Variants in NTSR1 observed in about 807,000 individuals in gnomAD.
The protein encoded by NTSR1 is neurotensin receptor type 1.
NTSR1 carries 29 observed loss-of-function variants against 31.2 expected under a neutral mutation model. The observed-to-expected ratio is 0.93, with a 90% CI of 0.69 to 1.27. The LOEUF is 1.27. Ranked by LOEUF, NTSR1 falls within the 50% of genes most tolerant of loss-of-function variation. NTSR1 has a pLI of 0.00. For missense variants in NTSR1, 697 were observed against 595.4 expected (o/e 1.17, Z -1.78); for synonymous variants, 282 against 269.9 (o/e 1.04, Z -0.44).
chr20:62,751,491 TG>T (rs1989393532), intron 1 of NTSR1, among the ~76,000 whole-genome samples: 1 of 152,244 alleles, frequency 6.6e-6, no homozygotes, highest in Non-Finnish European at 1.5e-5. Context: ...AACAATGTCA[TG>T]GGGTGCCCCG....
At chr20:62,729,177 T>C (rs562387565) in intron 1 of NTSR1, among the ~76,000 whole-genome samples, 2 of 152,306 alleles carry the variant, frequency 1.3e-5, no homozygotes, top group South Asian at 4.1e-4. Flanking sequence ...TTCTCTGCTG[T>C]GCCTGCAGCC....
At chr20:62,736,635 G>A (rs1989099028) in intron 1 of NTSR1, among the ~76,000 whole-genome samples, 1 of 152,178 alleles carries the variant, frequency 6.6e-6, no homozygotes, top group African/African-American at 2.4e-5. Flanking sequence ...TGGCTCCCAG[G>A]GAACAACCTG....
intron 1 of NTSR1, among the ~76,000 whole-genome samples, 199 bp downstream of exon 1, chr20:62,710,120 G>A (rs3746778): frequency 0.32 from 48,056 of 152,156 alleles, 8,853 homozygotes; most frequent in South Asian, 0.49. Context: ...CTCCTGTTGA[G>A]GGGATGGAGC....
intron 1 of NTSR1, among the ~76,000 whole-genome samples, chr20:62,734,618 G>T (rs778588653): frequency 6.6e-6 from 1 of 152,208 alleles, no homozygotes; most frequent in East Asian, 1.9e-4. Context: ...CATAAAAGCT[G>T]CAGGCAGCCC....
chr20:62,749,429 C>T (rs2147145877), intron 1 of NTSR1, among the ~76,000 whole-genome samples: 1 of 152,318 alleles, frequency 6.6e-6, no homozygotes, highest in East Asian at 1.9e-4. Context: ...AACTATAACA[C>T]TGCTAGGAGA....
At chr20:62,735,192 G>C (rs1421177638) in intron 1 of NTSR1, 1 of 152,676 alleles carries the variant, frequency 6.5e-6, no homozygotes, top group African/African-American at 2.4e-5. Context: ...CATGGTTAGG[G>C]GGTGGGAGGC....
intron 1 of NTSR1, among the ~76,000 whole-genome samples, chr20:62,712,498 C>T (rs2147130954): frequency 6.6e-6 from 1 of 152,364 alleles, no homozygotes; most frequent in African/African-American, 2.4e-5. Flanking sequence ...TTTGGAGCAA[C>T]TTACAATAAT....
intron 1 of NTSR1, among the ~76,000 whole-genome samples, chr20:62,738,488 C>T (rs1414863036): frequency 6.6e-6 from 1 of 152,268 alleles, no homozygotes; most frequent in African/African-American, 2.4e-5. Flanking sequence ...GGTGGAAGGA[C>T]AGGCTGATGA....
Position 62,708,865 on chromosome 20 carries a change from G to A in NTSR1, c.-343G>A. 1 of 267,420 alleles carries A rather than the reference G, an allele frequency of 3.7e-6. No homozygotes were observed. Among genetic ancestry groups the A allele is most frequent in the Non-Finnish European group, 7.0e-6 (1 of 143,322 alleles). 16.6% of individuals were successfully genotyped at this position (267,420 alleles called of 1,614,324 possible). On this transcript the variant is annotated 5_prime_UTR_variant, in exon 1 of 4. Coordinates refer to ENST00000370501, the MANE Select transcript of NTSR1 (RefSeq NM_002531.3). This position sits in a 1 kb window ranked among gnomAD's most constrained non-coding sequence, Gnocchi z 5.9. ...GCTCGCCCCGCGCAGCCCGAGCCGG[G>A]CTGGGCGCTGTCCTCGGGGGCCTGG...
chr20:62,711,055 G>T lies in NTSR1; in HGVS notation c.714+1134G>T, dbSNP rs1402771040. Among the ~76,000 whole-genome samples, 1 of 152,188 alleles carries T rather than the reference G, an allele frequency of 6.6e-6. No homozygotes were observed. Among genetic ancestry groups the T allele is most frequent in the Non-Finnish European group, 1.5e-5 (1 of 68,032 alleles). ...GCGTATGCCAGTATGCCCGGTGGGG[G>T]TGAGGGCAGCAGTGCCGGGCAGGGG... On this transcript the variant is annotated intron_variant, in intron 1 of 3. Transcript: ENST00000370501. This position sits in a 1 kb window ranked among gnomAD's most constrained non-coding sequence, Gnocchi z 6.4.
intron 1 of NTSR1, among the ~76,000 whole-genome samples, chr20:62,748,697 G>T (rs1358671964): frequency 6.6e-6 from 1 of 152,264 alleles, no homozygotes; most frequent in South Asian, 2.1e-4. Flanking sequence ...TTCATCCCCA[G>T]TGTGGCAGGA....
chr20:62,752,863 G>T (rs976051309), intron 1 of NTSR1, among the ~76,000 whole-genome samples: 1 of 152,062 alleles, frequency 6.6e-6, no homozygotes, highest in African/African-American at 2.4e-5. Flanking sequence ...CCTGCAGAAG[G>T]TGGACTTCGG....
rs1181445977 is a variant in NTSR1, at chr20:62,761,756, G to C, written c.*1489G>C. ...CTCTGGACTCAGTTTCCCCGTCTGA[G>C]AAATGAGAGTCGAATGCTACAGTAT... On this transcript the variant is annotated 3_prime_UTR_variant, in exon 4 of 4. Transcript: ENST00000370501. 1 of 152,240 alleles carries C rather than the reference G, an allele frequency of 6.6e-6. No individual in the cohort carries two copies. Among genetic ancestry groups the C allele is most frequent in the Non-Finnish European group, 1.5e-5 (1 of 68,060 alleles). The allele number at this position is 152,240 out of a possible 1,614,324, so 9.4% of individuals were successfully genotyped here.
chr20:62,745,708 C>T lies in NTSR1; in HGVS notation c.715-8977C>T, dbSNP rs1015848269. 4.6e-5 allele frequency among the ~76,000 whole-genome samples: 7 copies of T among 152,240 alleles called. No individual in the cohort carries two copies. The highest frequency in any genetic ancestry group is 1.2e-4 in the African/African-American group (5 of 41,464). The stretch of plus-strand genomic sequence containing the variant: ...TGCCTCGCCTCCAAATCCAGCTTGG[C>T]GTGGACCTCGCTGGGACTGGATGGC... On this transcript the variant is annotated intron_variant, in intron 1 of 3. Transcript: ENST00000370501. This position sits in a 1 kb window ranked among gnomAD's most constrained non-coding sequence, Gnocchi z 4.1.
chr20:62,739,138 C>G (rs1213781806), intron 1 of NTSR1, among the ~76,000 whole-genome samples: 2 of 152,190 alleles, frequency 1.3e-5, no homozygotes, highest in Non-Finnish European at 2.9e-5. Flanking sequence ...GTTGGGGACC[C>G]GTTGGGCTCT....
rs377650417 is a variant in NTSR1, at chr20:62,709,534, G to T, written c.327G>T (p.Ala109=). 6.2e-7 allele frequency: 1 copy of T among 1,612,220 alleles called. No homozygotes were observed. Among genetic ancestry groups the T allele is most frequent in the Non-Finnish European group, 8.5e-7 (1 of 1,179,836 alleles). ...STVHYHLGSL[A]LSDLLTLLLA... is the part of the protein sequence containing the mutation. Reference sequence around the variant, plus strand: ...TGCATTACCACCTGGGCAGCCTGGCGCTGTCCGACCTGCTCACCCTGCTGC... The same window carrying T: ...TGCATTACCACCTGGGCAGCCTGGCTCTGTCCGACCTGCTCACCCTGCTGC... The change falls in exon 1 of 4, where the codon GCG becomes GCT. Residue 109 remains alanine (A), a synonymous_variant. Coordinates refer to ENST00000370501, the MANE Select transcript of NTSR1 (RefSeq NM_002531.3).
In NTSR1 at chr20:62,743,144, G is replaced by A. The variant is rs1304909991; in HGVS notation, c.715-11541G>A. Among the ~76,000 whole-genome samples, 3 of 149,382 alleles carry A rather than the reference G, an allele frequency of 2.0e-5. No homozygotes were observed. The highest frequency in any genetic ancestry group is 1.3e-4 in the Admixed American group (2 of 14,882). On this transcript the variant is annotated intron_variant, in intron 1 of 3. Coordinates refer to ENST00000370501, the MANE Select transcript of NTSR1 (RefSeq NM_002531.3). The surrounding 1 kb of genome is among the most constrained non-coding windows in gnomAD (Gnocchi z 7.5). ...CCGCCCCTGCTGGACACGTATCCCGGCCATCTCAGGCCCACCCATTGCCTC... is the reference window on the plus strand; with the variant it reads ...CCGCCCCTGCTGGACACGTATCCCGACCATCTCAGGCCCACCCATTGCCTC...
chr20:62,738,064 GC>G (rs1325678427), intron 1 of NTSR1, among the ~76,000 whole-genome samples: 8 of 152,188 alleles, frequency 5.3e-5, no homozygotes, highest in Non-Finnish European at 1.0e-4. Flanking sequence ...GCCCACGTCT[GC>G]CCCCCTCCCC....
At chr20:62,720,110 G>C (rs1367115476) in intron 1 of NTSR1, among the ~76,000 whole-genome samples, 14 of 152,184 alleles carry the variant, frequency 9.2e-5, no homozygotes, top group Admixed American at 6.5e-5. Context: ...GACCAGCCTG[G>C]CCAACAGGAT....
Sources: gnomAD v4.1 joint callset for allele counts (sites outside exome capture counted in the v4.1 genomes callset) on GRCh38, gnomAD v4.1.1 for gene constraint, Gnocchi (gnomAD v3.1) non-coding constraint, MANE v1.5 for transcripts, NCBI Gene and HGNC (gene_info 2026-07-23, HGNC 2026-07-21) for gene names.